DTWD1: variants seen among roughly 807,000 people sequenced by gnomAD.
DTWD1 encodes the protein DTW motif tRNA-uridine aminocarboxypropyltransferase 1.
A neutral mutation model predicts 30.2 loss-of-function variants in DTWD1; 27 were observed. The observed-to-expected ratio is 0.90, with a 90% CI of 0.66 to 1.23. DTWD1 has a LOEUF of 1.23. Among genes scored for constraint, DTWD1 ranks in the 50% most tolerant of loss-of-function variants. The pLI is 0.00. For missense variants in DTWD1, 342 were observed against 348.8 expected, an observed-to-expected ratio of 0.98 and a Z score of 0.15; for synonymous variants, 99 against 113.1, an observed-to-expected ratio of 0.88 and a Z score of 0.79.
At chr15:49,642,640 C>T (rs910117355) in intron 4 of DTWD1, among the ~76,000 whole-genome samples, 26 of 152,084 alleles carry the variant, frequency 1.7e-4, no homozygotes, top group African/African-American at 5.8e-4. Context: ...AGGCTGGGCA[C>T]TGTAGCTCAT....
rs1042578030 is a variant in DTWD1, at chr15:49,621,108, C to G, written c.-70C>G. On this transcript the variant is annotated 5_prime_UTR_variant, in exon 1 of 5. Coordinates refer to ENST00000403028, the MANE Select transcript of DTWD1 (RefSeq NM_001144955.2). ...GGAGACGTGTGGAGCTGTTCGAGGA[C>G]TCGCGGGTGTGCAGGTCTGAGTACC... is the stretch of plus-strand genomic sequence containing the variant. The G allele has an allele frequency of 2.0e-5, 3 of 152,440 alleles. No individual in the cohort carries two copies. Among genetic ancestry groups the G allele is most frequent in the Non-Finnish European group, 4.4e-5 (3 of 68,238 alleles). 9.4% of individuals were successfully genotyped at this position (152,440 alleles called of 1,614,324 possible). A position where few individuals can be genotyped will look rare whatever the true frequency, so the allele number is the denominator to read the frequency against.
At chr15:49,638,678 G>A (rs567634997) in intron 4 of DTWD1, among the ~76,000 whole-genome samples, 4 of 152,098 alleles carry the variant, frequency 2.6e-5, no homozygotes, top group Non-Finnish European at 5.9e-5. Context: ...TAAACCCTCA[G>A]GTGTATTGGA....
chr15:49,643,352 A>G lies in DTWD1; in HGVS notation c.689A>G (p.Lys230Arg), dbSNP rs1444935732. The G allele has an allele frequency of 1.9e-6, 3 of 1,547,742 alleles. No homozygotes were observed. Among genetic ancestry groups the G allele is most frequent in the Admixed American group, 4.5e-5 (2 of 44,348 alleles). Reference protein sequence around the residue: ...RLQGLLQVELKTRKTCFWRHQ... With the variant: ...RLQGLLQVELRTRKTCFWRHQ... ...ACAGGGTTGTTACAAGTTGAGTTGA[A>G]AACAAGAAAAACTTGCTTTTGGCGC... is the stretch of plus-strand genomic sequence containing the variant. Residue 230 changes from lysine to arginine, a missense_variant, in exon 5 of 5, where the codon AAA becomes AGA. Lys to Arg is a conservative substitution (Grantham distance 26). Coordinates refer to ENST00000403028, the MANE Select transcript of DTWD1 (RefSeq NM_001144955.2).
In DTWD1 at chr15:49,644,498, A is replaced by G. The variant is rs1354497068; in HGVS notation, c.*920A>G. 1.3e-5 allele frequency: 2 copies of G among 152,222 alleles called. No individual in the cohort carries two copies. Among genetic ancestry groups the G allele is most frequent in the African/African-American group, 4.8e-5 (2 of 41,440 alleles). The allele number at this position is 152,222 out of a possible 1,614,324, so 9.4% of individuals were successfully genotyped here. A position where few individuals can be genotyped will look rare whatever the true frequency, so the allele number is the denominator to read the frequency against. ...GAATAGCTTCTGTCTGCTCTTTTCT[A>G]TTCTGCTCCCTGCTCTGTGAGGTAG... On this transcript the variant is annotated 3_prime_UTR_variant, in exon 5 of 5. Transcript: ENST00000403028.
Position 49,643,311 on chromosome 15 carries a change from T to TTC in DTWD1, c.668-19_668-18insCT. 7.6e-7 allele frequency: 1 copy of TTC among 1,318,930 alleles called. No homozygotes were observed. The highest frequency in any genetic ancestry group is 1.8e-5 in the South Asian group (1 of 54,112). 81.7% of individuals were successfully genotyped at this position (1,318,930 alleles called of 1,614,324 possible). On this transcript the variant is annotated intron_variant, in intron 4 of 4. Coordinates refer to ENST00000403028, the MANE Select transcript of DTWD1 (RefSeq NM_001144955.2). ...TATTTTTTCTTTCTTTCTTTCTTTTTTTTTTTTTTTTTTTGACAGGGTTGT... is the reference window on the plus strand; with the variant it reads ...TATTTTTTCTTTCTTTCTTTCTTTTTTCTTTTTTTTTTTTTTGACAGGGTTGT...
chr15:49,625,876 C>G (rs1291321135), intron 2 of DTWD1, among the ~76,000 whole-genome samples: 1 of 151,466 alleles, frequency 6.6e-6, no homozygotes, highest in Non-Finnish European at 1.5e-5. Flanking sequence ...CAGGGCACAA[C>G]AAGAGTGGGA....
At position 49,652,336 on chromosome 15, in the gene DTWD1, C is replaced by A. The variant is rs1352910486; in HGVS notation, c.*8758C>A. On this transcript the variant is annotated 3_prime_UTR_variant, in exon 5 of 5. Transcript: ENST00000403028. ...AATAAAAGGAGTCAAGATCAGTTGA[C>A]CCTAATCAAGAGGAGATTGGAATCC... 4 of 152,116 alleles carry A rather than the reference C, an allele frequency of 2.6e-5. No homozygotes were observed. The East Asian group carries it at 7.7e-4, about 29-fold the overall frequency. The allele number at this position is 152,116 out of a possible 1,614,324, so 9.4% of individuals were successfully genotyped here.
chr15:49,644,524 G>T lies in DTWD1; in HGVS notation c.*946G>T, dbSNP rs142570270. 6.6e-6 allele frequency: 1 copy of T among 152,200 alleles called. No homozygotes were observed. The highest frequency in any genetic ancestry group is 1.5e-5 in the Non-Finnish European group (1 of 68,088). The allele number at this position is 152,200 out of a possible 1,614,324, so 9.4% of individuals were successfully genotyped here. ...TTCTGCTCCCTGCTCTGTGAGGTAG[G>T]TTCCTTTGCTCTCTTGCTTTTGGTT... On this transcript the variant is annotated 3_prime_UTR_variant, in exon 5 of 5. Coordinates refer to ENST00000403028, the MANE Select transcript of DTWD1 (RefSeq NM_001144955.2).
At position 49,643,422 on chromosome 15, in the gene DTWD1, C is replaced by T. The variant is rs2079090814; in HGVS notation, c.759C>T (p.Ala253=). ...ATACTTTCCTTTCTACAATTGAAGC[C>T]ATTTACTACTTTCTGGTAGACTACC... ...KPDTFLSTIE[A]IYYFLVDYHT... is the part of the protein sequence containing the mutation. Residue 253 remains alanine (A), a synonymous_variant, in exon 5 of 5, where the codon GCC becomes GCT. Coordinates refer to ENST00000403028, the MANE Select transcript of DTWD1 (RefSeq NM_001144955.2). 1.2e-6 allele frequency: 2 copies of T among 1,603,714 alleles called. No homozygotes were observed. Among genetic ancestry groups the T allele is most frequent in the Non-Finnish European group, 1.7e-6 (2 of 1,176,326 alleles).
Position 49,655,240 on chromosome 15 carries a change from A to T in DTWD1, c.*11662A>T, listed in dbSNP as rs2079171575. 6.6e-6 allele frequency: 1 copy of T among 152,136 alleles called. No homozygotes were observed. 9.4% of individuals were successfully genotyped at this position (152,136 alleles called of 1,614,324 possible). A position where few individuals can be genotyped will look rare whatever the true frequency, so the allele number is the denominator to read the frequency against. On this transcript the variant is annotated 3_prime_UTR_variant, in exon 5 of 5. Coordinates refer to ENST00000403028, the MANE Select transcript of DTWD1 (RefSeq NM_001144955.2). ...TGGGTAACACCATCTGGAGCTGAAG[A>T]ACCACCAGCCAGTACACAGAAATGA...
At chr15:49,637,905 G>T (rs2079021576) in intron 4 of DTWD1, among the ~76,000 whole-genome samples, 1 of 152,196 alleles carries the variant, frequency 6.6e-6, no homozygotes, top group Admixed American at 6.5e-5. Flanking sequence ...TAGTAAAGTT[G>T]CTTTGAAAGT....
chr15:49,626,479 T>G (rs1174851250), intron 2 of DTWD1, among the ~76,000 whole-genome samples: 2 of 152,210 alleles, frequency 1.3e-5, no homozygotes, highest in East Asian at 1.9e-4. Flanking sequence ...TAGAACGTCA[T>G]GTCTACATAA....
At chr15:49,637,099 A>G (rs2079012304) in intron 4 of DTWD1, among the ~76,000 whole-genome samples, 1 of 152,178 alleles carries the variant, frequency 6.6e-6, no homozygotes, top group Admixed American at 6.5e-5. Flanking sequence ...TTAGTTAGCC[A>G]GTATTCTTAT....
rs1206347779 is a variant in DTWD1, at chr15:49,650,046, T to C, written c.*6468T>C. The C allele has an allele frequency of 6.6e-6, 1 of 152,096 alleles. No individual in the cohort carries two copies. Among genetic ancestry groups the C allele is most frequent in the African/African-American group, 2.4e-5 (1 of 41,410 alleles). 9.4% of individuals were successfully genotyped at this position (152,096 alleles called of 1,614,324 possible). On this transcript the variant is annotated 3_prime_UTR_variant, in exon 5 of 5. Transcript: ENST00000403028. The stretch of plus-strand genomic sequence containing the variant: ...ACCATGCGAATAATTAAGTGAATAA[T>C]GTTTTAATTATAGGGAACAATATGT...
At chr15:49,627,213 A>G (rs565139610) in intron 2 of DTWD1, among the ~76,000 whole-genome samples, 4 of 152,284 alleles carry the variant, frequency 2.6e-5, no homozygotes, top group East Asian at 3.9e-4. Context: ...TCATCTCTCA[A>G]TGGTCTGGAC....
intron 1 of DTWD1, 100 bp from the exon 2 acceptor site, chr15:49,625,013 C>A: frequency 1.4e-6 from 1 of 735,502 alleles, no homozygotes; most frequent in Non-Finnish European, 2.2e-6. Flanking sequence ...AGTACTAAAA[C>A]AGCACACAAT....
rs1598680089 is a variant in DTWD1 at position 49,653,449 on chromosome 15, A to G, written c.*9871A>G. ...AACATCTTGATTTTAGATCAGTGAG[A>G]TTTTTGTGTTGGACTTCTACAGAAC... is the stretch of plus-strand genomic sequence containing the variant. On this transcript the variant is annotated 3_prime_UTR_variant, in exon 5 of 5. Transcript: ENST00000403028. 1 of 152,110 alleles carries G rather than the reference A, an allele frequency of 6.6e-6. No homozygotes were observed. The highest frequency in any genetic ancestry group is 2.1e-4 in the South Asian group (1 of 4,826). 9.4% of individuals were successfully genotyped at this position (152,110 alleles called of 1,614,324 possible). A position where few individuals can be genotyped will look rare whatever the true frequency, so the allele number is the denominator to read the frequency against.
At chr15:49,637,149 C>G (rs2079012672) in intron 4 of DTWD1, among the ~76,000 whole-genome samples, 2 of 152,020 alleles carry the variant, frequency 1.3e-5, no homozygotes, top group Admixed American at 6.6e-5. Flanking sequence ...TTCTTTATTT[C>G]TTTCTCTTTC....
Position 49,654,027 on chromosome 15 carries a change from A to G in DTWD1, c.*10449A>G, listed in dbSNP as rs2079166657. The G allele has an allele frequency of 6.6e-6, 1 of 152,068 alleles. No homozygotes were observed. The highest frequency in any genetic ancestry group is 1.5e-5 in the Non-Finnish European group (1 of 68,006). The allele number at this position is 152,068 out of a possible 1,614,324, so 9.4% of individuals were successfully genotyped here. A position where few individuals can be genotyped will look rare whatever the true frequency, so the allele number is the denominator to read the frequency against. On this transcript the variant is annotated 3_prime_UTR_variant, in exon 5 of 5. Transcript: ENST00000403028. ...CTTCCTTTGGTGTAGGGGGACCCTG[A>G]AAACAATTTAATTTTATGCTTCCTG...
Sources: allele counts gnomAD v4.1 joint callset (sites outside exome capture counted in the v4.1 genomes callset), GRCh38; gene constraint gnomAD v4.1.1; transcripts MANE v1.5; gene names NCBI Gene and HGNC (gene_info 2026-07-23, HGNC 2026-07-21).